PLD5: variants seen among roughly 807,000 people sequenced by gnomAD.
PLD5 encodes the protein inactive phospholipase D5.
A neutral mutation model predicts 61.1 loss-of-function variants in PLD5; 36 were observed. The ratio of observed to expected loss-of-function variants is 0.59; its 90% CI spans 0.45 to 0.78. The LOEUF (loss-of-function observed/expected upper bound fraction) is 0.78, where lower values mean the gene tolerates loss of function less well. Ranked by LOEUF, PLD5 falls within the 30% of genes least tolerant of loss-of-function variation. The probability of loss-of-function intolerance (pLI) is 0.00; values close to 1 mark genes in which losing one functional copy is unlikely to be tolerated. For missense variants in PLD5, 515 were observed against 644.4 expected (o/e 0.80, Z 2.17); for synonymous variants, 243 against 242.8 (o/e 1.00, Z -0.01).
At chr1:242,284,864 C>G (rs1674929671) in intron 3 of PLD5, among the ~76,000 whole-genome samples, 1 of 152,100 alleles carries the variant, frequency 6.6e-6, no homozygotes, top group Non-Finnish European at 1.5e-5. Flanking sequence ...GCAGATAAAG[C>G]CCCTCTATCC....
chr1:242,379,126 G>T (rs546642260), intron 1 of PLD5, among the ~76,000 whole-genome samples: 23 of 152,146 alleles, frequency 1.5e-4, no homozygotes, highest in Non-Finnish European at 1.0e-4. Context: ...TATCTGTCCA[G>T]CAGTGGCAGA....
chr1:242,254,829 TA>T (rs1204898355), intron 4 of PLD5, among the ~76,000 whole-genome samples: 6 of 152,214 alleles, frequency 3.9e-5, no homozygotes, highest in South Asian at 2.1e-4. Context: ...TAATTATCAC[TA>T]AAAAGCATAA....
At chr1:242,091,825 TTTTTTTC>T (rs1404771019) in intron 9 of PLD5, among the ~76,000 whole-genome samples, 4 of 43,230 alleles carry the variant, frequency 9.3e-5, no homozygotes, top group Non-Finnish European at 1.8e-4. Context: ...TTTTCTTTTC[TTTTTTTC>T]TTTTTTTTTT....
chr1:242,407,268 A>C (rs1664283791), intron 1 of PLD5, among the ~76,000 whole-genome samples: 1 of 126,308 alleles, frequency 7.9e-6, no homozygotes, highest in South Asian at 2.4e-4. Context: ...CCCTCAGTTC[A>C]CCACGTGGAA....
chr1:242,241,137 C>A (rs557317307), intron 4 of PLD5, among the ~76,000 whole-genome samples: 1 of 152,088 alleles, frequency 6.6e-6, no homozygotes, highest in African/African-American at 2.4e-5. Flanking sequence ...TTGTACTAAA[C>A]CGTTCTACAG....
chr1:242,293,156 G>C (rs1270021785), intron 2 of PLD5, among the ~76,000 whole-genome samples: 2 of 152,180 alleles, frequency 1.3e-5, no homozygotes, highest in Non-Finnish European at 1.5e-5. Context: ...AAAGAGAATA[G>C]AGTCAAAGCC....
At chr1:242,126,801 T>C (rs1662819728) in intron 5 of PLD5, among the ~76,000 whole-genome samples, 1 of 151,952 alleles carries the variant, frequency 6.6e-6, no homozygotes. Flanking sequence ...AAAACAAAAA[T>C]AAATAGCCGG....
intron 6 of PLD5, among the ~76,000 whole-genome samples, chr1:242,117,631 G>A (rs1341742211): frequency 2.0e-5 from 3 of 151,984 alleles, no homozygotes; most frequent in East Asian, 3.9e-4. Flanking sequence ...CACCTGCCTC[G>A]GCCTCCCAAA....
chr1:242,323,936 T>A (rs377420224), intron 2 of PLD5, among the ~76,000 whole-genome samples: 1 of 152,090 alleles, frequency 6.6e-6, no homozygotes, highest in African/African-American at 2.4e-5. Flanking sequence ...AAACGTAGTG[T>A]GTTCAAGGCA....
chr1:242,225,793 G>C (rs1670904957), intron 4 of PLD5, among the ~76,000 whole-genome samples: 1 of 152,228 alleles, frequency 6.6e-6, no homozygotes, highest in African/African-American at 2.4e-5. Context: ...GAAACATTTG[G>C]GTAGTTTCCA....
chr1:242,406,805 C>A (rs1664256782), intron 1 of PLD5, among the ~76,000 whole-genome samples: 1 of 152,130 alleles, frequency 6.6e-6, no homozygotes, highest in Admixed American at 6.5e-5. Context: ...GAAAAATACT[C>A]AGAAGGTCGT....
chr1:242,383,437 CT>C (rs1025003569), intron 1 of PLD5, among the ~76,000 whole-genome samples: 1 of 151,778 alleles, frequency 6.6e-6, no homozygotes, highest in Non-Finnish European at 1.5e-5. Context: ...TTTTCATTTA[CT>C]TTTTTTCCTT....
At chr1:242,250,602 A>C (rs1402576185) in intron 4 of PLD5, among the ~76,000 whole-genome samples, 1 of 152,238 alleles carries the variant, frequency 6.6e-6, no homozygotes, top group East Asian at 1.9e-4. Context: ...CTTTGCTCCA[A>C]GTATTACTAA....
chr1:242,145,703 C>T (rs748052502), intron 5 of PLD5, among the ~76,000 whole-genome samples: 4 of 152,150 alleles, frequency 2.6e-5, no homozygotes, highest in African/African-American at 4.8e-5. Context: ...TTTTCTGTCT[C>T]GCCCTGTTGC....
chr1:242,449,551 G>A, intron 1 of PLD5: 1 of 1,442,566 alleles, frequency 6.9e-7, no homozygotes, highest in Non-Finnish European at 9.1e-7. Context: ...TGAGCACGAA[G>A]AGAGAAAGGG....
At chr1:242,393,136 G>A (rs968822890) in intron 1 of PLD5, among the ~76,000 whole-genome samples, 24 of 150,842 alleles carry the variant, frequency 1.6e-4, no homozygotes, top group South Asian at 2.1e-4. Flanking sequence ...CCCAGAAGGC[G>A]GAGGTTGCAG....
intron 5 of PLD5, among the ~76,000 whole-genome samples, chr1:242,175,399 C>A (rs1189102606): frequency 2.0e-5 from 3 of 152,112 alleles, no homozygotes; most frequent in African/African-American, 7.2e-5. Context: ...AAATTCAACA[C>A]CCCTTCATAC....
At chr1:242,138,950 A>C (rs1451792180) in intron 5 of PLD5, among the ~76,000 whole-genome samples, 1 of 152,098 alleles carries the variant, frequency 6.6e-6, no homozygotes, top group Non-Finnish European at 1.5e-5. Context: ...CAAATTTCCT[A>C]CTTTTTCTAT....
At chr1:242,453,413 A>G (rs1053895723) in intron 1 of PLD5, among the ~76,000 whole-genome samples, 1 of 152,186 alleles carries the variant, frequency 6.6e-6, no homozygotes, top group African/African-American at 2.4e-5. Flanking sequence ...TATAAGTAAT[A>G]CCTATTTCAT....
Sources: allele counts gnomAD v4.1 joint callset (sites outside exome capture counted in the v4.1 genomes callset), GRCh38; gene constraint gnomAD v4.1.1; transcripts MANE v1.5; gene names NCBI Gene and HGNC (gene_info 2026-07-23, HGNC 2026-07-21).